TSHZ2: variants seen among roughly 807,000 people sequenced by gnomAD.
TSHZ2 encodes teashirt zinc finger homeobox 2.
Under a neutral mutation model 74.4 loss-of-function variants are expected in TSHZ2, and 21 were observed. That is an observed-to-expected ratio of 0.28 (90% CI 0.20 to 0.41). TSHZ2 has a LOEUF of 0.41. Ranked by LOEUF, TSHZ2 falls within the 10% of genes least tolerant of loss-of-function variation. The pLI, the probability that TSHZ2 is intolerant of heterozygous loss-of-function variation, is 1.00. For synonymous variants in TSHZ2, 540 were observed against 515.3 expected (o/e 1.05, Z -0.65); for missense variants, 1,244 against 1,293.5 (o/e 0.96, Z 0.59).
intron 2 of TSHZ2, among the ~76,000 whole-genome samples, chr20:53,441,463 A>G (rs1283927266): frequency 6.6e-6 from 1 of 151,314 alleles, no homozygotes; most frequent in Non-Finnish European, 1.5e-5. Context: ...TGTTTTTTGT[A>G]TTTTTAGTAG....
At chr20:53,258,799 A>G (rs890707413) in intron 2 of TSHZ2, among the ~76,000 whole-genome samples, 4 of 152,224 alleles carry the variant, frequency 2.6e-5, no homozygotes, top group Non-Finnish European at 5.9e-5. Context: ...TTTTCATTAT[A>G]CAAAACCAAA....
At chr20:53,107,432 G>C (rs1281933660) in intron 1 of TSHZ2, among the ~76,000 whole-genome samples, 2 of 152,180 alleles carry the variant, frequency 1.3e-5, no homozygotes, top group Non-Finnish European at 2.9e-5. Flanking sequence ...CGTAACAAAA[G>C]CAGCACCACC....
intron 1 of TSHZ2, among the ~76,000 whole-genome samples, chr20:53,232,732 G>GA (rs1801341400): frequency 6.6e-6 from 1 of 151,898 alleles, no homozygotes; most frequent in South Asian, 2.1e-4. Flanking sequence ...CCCCCCTCTA[G>GA]AAAAAAAGAA....
intron 2 of TSHZ2, among the ~76,000 whole-genome samples, chr20:53,378,633 C>T (rs1981747094): frequency 6.6e-6 from 1 of 151,788 alleles, no homozygotes; most frequent in Non-Finnish European, 1.5e-5. Context: ...CAGTGTTTTC[C>T]AAAATGGGAA....
chr20:53,081,853 A>G (rs1017687945), intron 1 of TSHZ2, among the ~76,000 whole-genome samples: 4 of 151,382 alleles, frequency 2.6e-5, no homozygotes, highest in Non-Finnish European at 5.9e-5. Context: ...CAAACACCTT[A>G]TATTAGACTG....
intron 1 of TSHZ2, chr20:53,206,684 C>T (rs1989177906): frequency 6.6e-6 from 1 of 152,170 alleles, no homozygotes; most frequent in East Asian, 1.9e-4. Context: ...CATTTTTCTA[C>T]CTTTCACACT....
intron 1 of TSHZ2, among the ~76,000 whole-genome samples, chr20:53,215,484 A>G (rs542235109): frequency 5.3e-5 from 8 of 150,716 alleles, no homozygotes; most frequent in African/African-American, 1.7e-4. Flanking sequence ...TCCTTCAGCT[A>G]TGGTCTACAG....
intron 2 of TSHZ2, among the ~76,000 whole-genome samples, chr20:53,304,717 T>A (rs1978450717): frequency 6.6e-6 from 1 of 152,260 alleles, no homozygotes; most frequent in African/African-American, 2.4e-5. Context: ...CTGCAACCTC[T>A]GCCTCCCGGG....
chr20:53,080,953 T>G (rs1367349320), intron 1 of TSHZ2, among the ~76,000 whole-genome samples: 2 of 152,180 alleles, frequency 1.3e-5, no homozygotes, highest in Non-Finnish European at 2.9e-5. Flanking sequence ...GGTCCCACTG[T>G]GTAGTGACAA....
In TSHZ2 at chr20:53,253,513, G is replaced by A; in HGVS notation, c.55G>A (p.Glu19Lys). Residue 19 changes from glutamate (E) to lysine (K), a missense_variant, in exon 2 of 3, where the codon GAA (glutamate) becomes AAA (lysine). By Grantham distance (56) the Glu-to-Lys change is moderately conservative. This residue lies in a region of TSHZ2 where 470 missense variants were observed against 456.5 expected (regional missense o/e 1.03). Transcript: ENST00000371497. ...PKRAAGYAQE[E>K]QLKEEEEIKE... is the part of the protein sequence containing the mutation. Reference sequence around the variant, plus strand: ...TTCTCTTGCAGGCTACGCCCAGGAGGAACAGCTGAAAGAAGAGGAGGAAAT... The same window carrying A: ...TTCTCTTGCAGGCTACGCCCAGGAGAAACAGCTGAAAGAAGAGGAGGAAAT... 11 of 1,609,562 alleles carry A rather than the reference G, an allele frequency of 6.8e-6. No individual in the cohort carries two copies. The highest frequency in any genetic ancestry group is 9.3e-6 in the Non-Finnish European group (11 of 1,177,440).
At chr20:53,217,808 C>G (rs894656029) in intron 1 of TSHZ2, among the ~76,000 whole-genome samples, 4 of 152,194 alleles carry the variant, frequency 2.6e-5, no homozygotes, top group Non-Finnish European at 5.9e-5. Context: ...AGTTATCTGA[C>G]TTACTATCTC....
At chr20:52,988,897 T>C (rs988813145) in intron 1 of TSHZ2, among the ~76,000 whole-genome samples, 2 of 152,186 alleles carry the variant, frequency 1.3e-5, no homozygotes, top group Non-Finnish European at 1.5e-5. Context: ...GCTCCAGGAC[T>C]CTTCCTGGCC....
intron 1 of TSHZ2, among the ~76,000 whole-genome samples, chr20:53,235,141 G>T (rs981709087): frequency 7.3e-6 from 1 of 136,936 alleles, no homozygotes; most frequent in Non-Finnish European, 1.6e-5. Flanking sequence ...GCGGGGCGGG[G>T]GGGGGGGAAT....
At chr20:53,228,305 TC>T (rs1989737040) in intron 1 of TSHZ2, among the ~76,000 whole-genome samples, 1 of 152,220 alleles carries the variant, frequency 6.6e-6, no homozygotes, top group South Asian at 2.1e-4. Context: ...ACTGACTTTT[TC>T]CAGCTAAAGT....
Position 53,000,578 on chromosome 20 carries a change from AAAT to A in TSHZ2, c.40+27253_40+27255del, listed in dbSNP as rs544885136. ...AATCTTTTTGAAATCAATTTTTAAA[AAAT>A]AATAATACAGGCAGTATGGAGATAA... is the stretch of plus-strand genomic sequence containing the variant. On this transcript the variant is annotated intron_variant, in intron 1 of 2. Transcript: ENST00000371497. Among the ~76,000 whole-genome samples the A allele has an allele frequency of 4.7e-4, 72 of 152,352 alleles. 1 individual carries two copies. The highest frequency in any genetic ancestry group is 8.5e-4 in the Admixed American group (13 of 15,306).
Position 53,256,213 on chromosome 20 carries a change from A to C in TSHZ2, c.2755A>C (p.Met919Leu). ...KTGGTKFLKNMDKGHPIFYCS... is the reference protein window; with the variant it reads ...KTGGTKFLKNLDKGHPIFYCS... ...GGGCGGGACAAAATTTCTGAAAAACATGGACAAAGGCCACCCCATCTTTTA... is the reference window on the plus strand; with the variant it reads ...GGGCGGGACAAAATTTCTGAAAAACCTGGACAAAGGCCACCCCATCTTTTA... Residue 919 changes from methionine (M) to leucine (L), a missense_variant, in exon 2 of 3, where the codon ATG becomes CTG. Physicochemically the swap from Met to Leu is conservative, Grantham distance 15. This residue lies in a region of TSHZ2 where 185 missense variants were observed against 213.3 expected (regional missense o/e 0.87). Transcript: ENST00000371497. The surrounding 1 kb of genome is among the most constrained non-coding windows in gnomAD (Gnocchi z 4.3). 1 of 1,613,478 alleles carries C rather than the reference A, an allele frequency of 6.2e-7. No homozygotes were observed. The highest frequency in any genetic ancestry group is 8.5e-7 in the Non-Finnish European group (1 of 1,179,516).
At chr20:53,154,595 T>C (rs1448595786) in intron 1 of TSHZ2, among the ~76,000 whole-genome samples, 1 of 152,164 alleles carries the variant, frequency 6.6e-6, no homozygotes, top group Non-Finnish European at 1.5e-5. Context: ...AATACTTTTC[T>C]TTCTGGACTA....
chr20:53,002,467 A>T (rs1600639889), intron 1 of TSHZ2, among the ~76,000 whole-genome samples: 1 of 152,242 alleles, frequency 6.6e-6, no homozygotes, highest in South Asian at 2.1e-4. Flanking sequence ...TCTTTCCATT[A>T]CCCTGAAAAA....
At chr20:53,057,047 A>T (rs1426465737) in intron 1 of TSHZ2, among the ~76,000 whole-genome samples, 1 of 152,152 alleles carries the variant, frequency 6.6e-6, no homozygotes, top group African/African-American at 2.4e-5. Context: ...CATGATAGTG[A>T]ATAAATCTCA....
Sources: allele counts gnomAD v4.1 joint callset (sites outside exome capture counted in the v4.1 genomes callset), GRCh38; gene constraint gnomAD v4.1.1; regional missense constraint gnomAD v4.1.1; non-coding constraint Gnocchi (gnomAD v3.1); transcripts MANE v1.5; gene names NCBI Gene and HGNC (gene_info 2026-07-23, HGNC 2026-07-21).